SEMA3E: variants seen among roughly 807,000 people sequenced by gnomAD.
SEMA3E encodes semaphorin-3E.
In SEMA3E, 49 loss-of-function variants were observed where a neutral mutation model predicts 93.6. That is an observed-to-expected ratio of 0.52 (90% confidence interval 0.42 to 0.66). SEMA3E has a LOEUF of 0.66. Ranked by LOEUF, SEMA3E falls within the 30% of genes least tolerant of loss-of-function variation. SEMA3E has a pLI of 0.00. For missense variants in SEMA3E, 906 were observed against 964.8 expected, an observed-to-expected ratio of 0.94 and a Z score of 0.81; for synonymous variants, 363 against 330.7, an observed-to-expected ratio of 1.10 and a Z score of -1.06.
chr7:83,485,806 G>T (rs539467623), intron 2 of SEMA3E, among the ~76,000 whole-genome samples: 3 of 151,972 alleles, frequency 2.0e-5, no homozygotes, highest in Non-Finnish European at 4.4e-5. Context: ...CCCTGCAATG[G>T]GATTGGTGAT....
chr7:83,546,635 T>C (rs1215826587), intron 1 of SEMA3E, among the ~76,000 whole-genome samples: 1 of 152,108 alleles, frequency 6.6e-6, no homozygotes, highest in African/African-American at 2.4e-5. Context: ...TACCCCATTA[T>C]GTACTTTGAA....
rs536040576 is a variant in SEMA3E at position 83,368,704 on chromosome 7, T to G, written c.1876-666A>C. ...GAATAGCAAATATTAAGTTTCAATATACCTTCAGTGCTCAAATATCTTTTG... is the reference window on the plus strand; with the variant it reads ...GAATAGCAAATATTAAGTTTCAATAGACCTTCAGTGCTCAAATATCTTTTG... On this transcript the variant is annotated intron_variant, in intron 16 of 16. Transcript: ENST00000643230. Among the ~76,000 whole-genome samples, 3 of 152,356 alleles carry G rather than the reference T, an allele frequency of 2.0e-5. No homozygotes were observed. In the South Asian group the frequency reaches 6.2e-4, roughly 32 times the overall value.
intron 16 of SEMA3E, chr7:83,373,055 T>C (rs1303730368): frequency 6.6e-6 from 1 of 152,170 alleles, no homozygotes; most frequent in Non-Finnish European, 1.5e-5. Flanking sequence ...AATATTCTTA[T>C]AGGCAATCTA....
intron 1 of SEMA3E, among the ~76,000 whole-genome samples, chr7:83,577,424 C>T (rs1301224788): frequency 6.6e-6 from 1 of 152,082 alleles, no homozygotes; most frequent in African/African-American, 2.4e-5. Context: ...CAAAATGCTA[C>T]CAGAGGGCAT....
intron 7 of SEMA3E, 112 bp downstream of exon 7, chr7:83,406,985 G>T: frequency 8.1e-7 from 1 of 1,233,424 alleles, no homozygotes; most frequent in Non-Finnish European, 1.2e-6. Context: ...TCAATTGTAG[G>T]CAGTCTAAAG....
intron 4 of SEMA3E, among the ~76,000 whole-genome samples, chr7:83,453,773 T>C (rs1252056743): frequency 6.6e-6 from 1 of 152,162 alleles, no homozygotes; most frequent in Non-Finnish European, 1.5e-5. Context: ...AGTATCTTGG[T>C]ACAAATTATA....
intron 4 of SEMA3E, among the ~76,000 whole-genome samples, chr7:83,419,374 G>C (rs1788628168): frequency 6.6e-6 from 1 of 152,128 alleles, no homozygotes. Flanking sequence ...TGAGTTAGTA[G>C]AGGAGCTCAA....
chr7:83,481,686 T>C (rs1790148683), intron 2 of SEMA3E, among the ~76,000 whole-genome samples: 1 of 152,158 alleles, frequency 6.6e-6, no homozygotes, highest in African/African-American at 2.4e-5. Flanking sequence ...AGAGCAGAAG[T>C]TCATTGGGAA....
intron 1 of SEMA3E, among the ~76,000 whole-genome samples, chr7:83,639,073 T>G (rs1032078161): frequency 1.2e-4 from 14 of 118,800 alleles, no homozygotes; most frequent in Non-Finnish European, 3.2e-5. Flanking sequence ...ATCCCGCCAC[T>G]GCACTCCAGC....
At chr7:83,380,741 C>T (rs1159731884) in intron 16 of SEMA3E, among the ~76,000 whole-genome samples, 1 of 151,934 alleles carries the variant, frequency 6.6e-6, no homozygotes, top group Non-Finnish European at 1.5e-5. Context: ...AGGCTGTAAA[C>T]TTCACAAGAG....
At chr7:83,522,218 C>T (rs1791064258) in intron 1 of SEMA3E, among the ~76,000 whole-genome samples, 1 of 151,842 alleles carries the variant, frequency 6.6e-6, no homozygotes. Context: ...TTTTGCTTTC[C>T]TTTGTTTCTT....
chr7:83,559,930 G>T (rs1055609024), intron 1 of SEMA3E, among the ~76,000 whole-genome samples: 3 of 151,902 alleles, frequency 2.0e-5, no homozygotes, highest in African/African-American at 7.3e-5. Flanking sequence ...ACACATGGAG[G>T]AATCTTAAGT....
At chr7:83,496,262 A>T (rs1039768217) in intron 1 of SEMA3E, among the ~76,000 whole-genome samples, 1 of 152,026 alleles carries the variant, frequency 6.6e-6, no homozygotes, top group Admixed American at 6.6e-5. Context: ...ATATTATTTT[A>T]AAAATACCCT....
At chr7:83,608,112 C>A (rs959628334) in intron 1 of SEMA3E, among the ~76,000 whole-genome samples, 2 of 151,922 alleles carry the variant, frequency 1.3e-5, no homozygotes, top group African/African-American at 4.8e-5. Context: ...ACTCGGGAGG[C>A]TGAGGCAGGA....
rs1794685020 is a variant in SEMA3E at position 83,367,417 on chromosome 7, T to G, written c.*169A>C. 1 of 676,936 alleles carries G rather than the reference T, an allele frequency of 1.5e-6. No individual in the cohort carries two copies. The highest frequency in any genetic ancestry group is 2.7e-5 in the Admixed American group (1 of 36,744). The allele number at this position is 676,936 out of a possible 1,614,324, so 41.9% of individuals were successfully genotyped here. A position where few individuals can be genotyped will look rare whatever the true frequency, so the allele number is the denominator to read the frequency against. On this transcript the variant is annotated 3_prime_UTR_variant, in exon 17 of 17. Coordinates refer to ENST00000643230, the MANE Select transcript of SEMA3E (RefSeq NM_012431.3). ...AAAATTAGTTAATTTTATGTAAAGT[T>G]TATCCAGTCAAATGAGTATGTAGAA...
chr7:83,632,725 T>C (rs1269876689), intron 1 of SEMA3E, among the ~76,000 whole-genome samples: 1 of 152,222 alleles, frequency 6.6e-6, no homozygotes, highest in Non-Finnish European at 1.5e-5. Context: ...AGGTCCATCA[T>C]GACTTATGTC....
chr7:83,539,946 T>A (rs1244180260), intron 1 of SEMA3E, among the ~76,000 whole-genome samples: 1 of 148,500 alleles, frequency 6.7e-6, no homozygotes, highest in East Asian at 2.0e-4. Context: ...AGTGGCTCAA[T>A]CTTGGCTCAC....
At chr7:83,627,942 C>T (rs1464882002) in intron 1 of SEMA3E, among the ~76,000 whole-genome samples, 1 of 152,054 alleles carries the variant, frequency 6.6e-6, no homozygotes, top group Non-Finnish European at 1.5e-5. Flanking sequence ...TATGTTTTTG[C>T]AGTTGCTGGT....
At position 83,630,567 on chromosome 7, in the gene SEMA3E, C is replaced by T. The variant is rs1332191785; in HGVS notation, c.115+17861G>A. ...GAGCAGTGAGTCTGTCATGTGTTATCTTCTGAGATCAGACATCCTTGTTTA... is the reference window on the plus strand; with the variant it reads ...GAGCAGTGAGTCTGTCATGTGTTATTTTCTGAGATCAGACATCCTTGTTTA... On this transcript the variant is annotated intron_variant, in intron 1 of 16. Coordinates refer to ENST00000643230, the MANE Select transcript of SEMA3E (RefSeq NM_012431.3). Among the ~76,000 whole-genome samples the T allele has an allele frequency of 2.6e-5, 4 of 152,124 alleles. No homozygotes were observed. In the South Asian group the frequency reaches 6.2e-4, roughly 24 times the overall value.
Sources: allele counts gnomAD v4.1 joint callset (sites outside exome capture counted in the v4.1 genomes callset), GRCh38; gene constraint gnomAD v4.1.1; transcripts MANE v1.5; gene names NCBI Gene and HGNC (gene_info 2026-07-23, HGNC 2026-07-21).